Variants in CADPS2 observed in about 807,000 individuals in gnomAD.
CADPS2 encodes calcium-dependent secretion activator 2.
CADPS2 carries 93 observed loss-of-function variants against 172.5 expected under a neutral mutation model. That is an observed-to-expected ratio of 0.54 (90% CI 0.46 to 0.64). The LOEUF (loss-of-function observed/expected upper bound fraction) is 0.64, where lower values mean the gene tolerates loss of function less well. Among genes scored for constraint, CADPS2 ranks in the 30% least tolerant of loss-of-function variants. The pLI is 0.00. For missense variants in CADPS2, 1,420 were observed against 1,565.9 expected (o/e 0.91, Z 1.57); for synonymous variants, 546 against 555.2 (o/e 0.98, Z 0.23).
chr7:122,603,073 C>A (rs538766915), intron 6 of CADPS2, among the ~76,000 whole-genome samples: 1 of 152,060 alleles, frequency 6.6e-6, no homozygotes, highest in Admixed American at 6.6e-5. Context: ...TCTTCAATGA[C>A]ATCAACTGAG....
chr7:122,570,121 G>T (rs865845210), intron 7 of CADPS2, among the ~76,000 whole-genome samples: 2 of 148,612 alleles, frequency 1.3e-5, no homozygotes, highest in East Asian at 2.0e-4. Flanking sequence ...GAAAATTTTC[G>T]CAACCTACTC....
At chr7:122,382,587 GT>G (rs924074446) in intron 24 of CADPS2, among the ~76,000 whole-genome samples, 28 of 151,944 alleles carry the variant, frequency 1.8e-4, no homozygotes, top group South Asian at 2.1e-4. Context: ...AAATTGATAG[GT>G]TTTTTTTCCC....
intron 1 of CADPS2, among the ~76,000 whole-genome samples, chr7:122,885,106 G>T (rs577981480): frequency 6.8e-4 from 104 of 152,262 alleles, no homozygotes; most frequent in African/African-American, 2.4e-3. Flanking sequence ...CTATTAAAAA[G>T]ATTTCCTAGA....
At chr7:122,673,305 TC>T (rs1221762478) in intron 2 of CADPS2, among the ~76,000 whole-genome samples, 1 of 152,228 alleles carries the variant, frequency 6.6e-6, no homozygotes, top group Non-Finnish European at 1.5e-5. Context: ...CCCATCCACA[TC>T]CTGCAGATTG....
At chr7:122,561,201 GTTCTT>G (rs1040305240) in intron 7 of CADPS2, among the ~76,000 whole-genome samples, 1 of 152,040 alleles carries the variant, frequency 6.6e-6, no homozygotes, top group Non-Finnish European at 1.5e-5. Flanking sequence ...GCTAAATTGA[GTTCTT>G]TTATTTTCAA....
chr7:122,669,878 C>T (rs1415118433), intron 2 of CADPS2, among the ~76,000 whole-genome samples: 2 of 151,896 alleles, frequency 1.3e-5, no homozygotes, highest in African/African-American at 4.8e-5. Context: ...TTTGTTCTGC[C>T]TCCTGCTTGC....
At chr7:122,428,670 T>C (rs908209539) in intron 17 of CADPS2, among the ~76,000 whole-genome samples, 1 of 152,066 alleles carries the variant, frequency 6.6e-6, no homozygotes, top group Non-Finnish European at 1.5e-5. Flanking sequence ...GGTTTCTCCA[T>C]GTTGGTCAGG....
chr7:122,732,280 T>C (rs4642559), intron 2 of CADPS2, among the ~76,000 whole-genome samples: 2,304 of 151,428 alleles, frequency 0.015, 58 homozygotes, highest in African/African-American at 0.053. Context: ...AGATCCCAGG[T>C]ATTAAAGTAA....
intron 8 of CADPS2, among the ~76,000 whole-genome samples, chr7:122,534,179 G>A (rs960993282): frequency 2.6e-5 from 4 of 152,016 alleles, no homozygotes; most frequent in African/African-American, 4.8e-5. Context: ...TTTTAAAAGC[G>A]TGATTCTGAT....
At chr7:122,400,066 ATT>A (rs1000775317) in intron 20 of CADPS2, among the ~76,000 whole-genome samples, 2 of 152,046 alleles carry the variant, frequency 1.3e-5, no homozygotes, top group African/African-American at 4.8e-5. Flanking sequence ...AGAATAGGTG[ATT>A]ATCTTTAAGC....
rs56993717 is a variant in CADPS2, at chr7:122,729,676, G to GTTT, written c.453+7276_453+7278dup. Reference sequence around the variant, plus strand: ...TTATGCCCTTTGCCCATTTTTAACGGTTTTTTTTTTTTTTTTTTTTTACTG... The same window carrying GTTT: ...TTATGCCCTTTGCCCATTTTTAACGGTTTTTTTTTTTTTTTTTTTTTTTTACTG... On this transcript the variant is annotated intron_variant, in intron 2 of 29. Coordinates refer to ENST00000449022, the MANE Select transcript of CADPS2 (RefSeq NM_017954.11). 5.1e-3 allele frequency among the ~76,000 whole-genome samples: 477 copies of GTTT among 94,220 alleles called. 4 individuals are homozygous for GTTT. Among genetic ancestry groups the GTTT allele is most frequent in the Non-Finnish European group, 7.0e-3 (340 of 48,482 alleles). The allele number at this position is 94,220 out of a possible 152,430, so 61.8% of individuals were successfully genotyped here. A position where few individuals can be genotyped will look rare whatever the true frequency, so the allele number is the denominator to read the frequency against.
At chr7:122,602,834 A>C (rs1034691579) in intron 6 of CADPS2, among the ~76,000 whole-genome samples, 2 of 152,090 alleles carry the variant, frequency 1.3e-5, no homozygotes, top group African/African-American at 4.8e-5. Context: ...TCAATTTAAG[A>C]TTATCCTTTC....
At chr7:122,812,203 T>G (rs1800163785) in intron 1 of CADPS2, among the ~76,000 whole-genome samples, 1 of 152,098 alleles carries the variant, frequency 6.6e-6, no homozygotes, top group African/African-American at 2.4e-5. Flanking sequence ...GGTAAAGAAC[T>G]GTTCTAAAAG....
intron 7 of CADPS2, among the ~76,000 whole-genome samples, chr7:122,566,768 A>G (rs1480120746): frequency 1.3e-5 from 2 of 152,180 alleles, no homozygotes; most frequent in African/African-American, 4.8e-5. Flanking sequence ...GATATCAGGC[A>G]TCCAAACAAA....
At chr7:122,365,002 T>C (rs1278673664) in intron 25 of CADPS2, among the ~76,000 whole-genome samples, 9 of 152,174 alleles carry the variant, frequency 5.9e-5, no homozygotes, top group Non-Finnish European at 1.2e-4. Context: ...GCACAGGAGC[T>C]GAGCCAAAGG....
rs888718117 is a variant in CADPS2, at chr7:122,639,930, T to C, written c.787-10602A>G. On this transcript the variant is annotated intron_variant, in intron 3 of 29. Coordinates refer to ENST00000449022, the MANE Select transcript of CADPS2 (RefSeq NM_017954.11). The stretch of plus-strand genomic sequence containing the variant: ...CTCTGATCTTCCAAGTGTGTATCTA[T>C]AGCACGAAACTCTTGCAGGAGTTCC... Among the ~76,000 whole-genome samples the C allele has an allele frequency of 5.3e-5, 8 of 152,270 alleles. No individual in the cohort carries two copies. In the East Asian group the frequency reaches 1.4e-3, roughly 26 times the overall value.
At chr7:122,610,215 G>A (rs2074120346) in intron 6 of CADPS2, among the ~76,000 whole-genome samples, 1 of 151,566 alleles carries the variant, frequency 6.6e-6, no homozygotes, top group African/African-American at 2.4e-5. Context: ...AAGTATTTTA[G>A]TTCACTTATA....
At chr7:122,591,535 C>G (rs1311569758) in intron 6 of CADPS2, among the ~76,000 whole-genome samples, 1 of 152,100 alleles carries the variant, frequency 6.6e-6, no homozygotes, top group South Asian at 2.1e-4. Flanking sequence ...CCAAGACAAT[C>G]CTAGGCCAAA....
At position 122,520,331 on chromosome 7, in the gene CADPS2, T is replaced by G. The variant is rs76735099; in HGVS notation, c.1476-7016A>C. ...ATGCTTGTCTTTACATAGTACCCGGTTGAATGTGTGTGTTTTTTTTTTAAG... is the reference window on the plus strand; with the variant it reads ...ATGCTTGTCTTTACATAGTACCCGGGTGAATGTGTGTGTTTTTTTTTTAAG... On this transcript the variant is annotated intron_variant, in intron 8 of 29. Coordinates refer to ENST00000449022, the MANE Select transcript of CADPS2 (RefSeq NM_017954.11). Among the ~76,000 whole-genome samples, 1,191 of 151,868 alleles carry G rather than the reference T, an allele frequency of 7.8e-3. 16 individuals are homozygous for G. Among genetic ancestry groups the G allele is most frequent in the African/African-American group, 0.028 (1,151 of 41,368 alleles).
Sources: gnomAD v4.1 joint callset for allele counts (sites outside exome capture counted in the v4.1 genomes callset) on GRCh38, gnomAD v4.1.1 for gene constraint, MANE v1.5 for transcripts, NCBI Gene and HGNC (gene_info 2026-07-23, HGNC 2026-07-21) for gene names.